DCLK2: variants seen among roughly 807,000 people sequenced by gnomAD.
The protein encoded by DCLK2 is doublecortin like kinase 2, also known as serine/threonine-protein kinase DCLK2.
Under a neutral mutation model 78.4 loss-of-function variants are expected in DCLK2, and 31 were observed. The ratio of observed to expected loss-of-function variants is 0.40; its 90% confidence interval spans 0.30 to 0.53. The LOEUF (loss-of-function observed/expected upper bound fraction) is 0.53, where lower values mean the gene tolerates loss of function less well. DCLK2 is among the 20% of genes least tolerant of loss of function. The pLI, the probability that DCLK2 is intolerant of heterozygous loss-of-function variation, is 0.61. For missense variants in DCLK2, 872 were observed against 973.7 expected, an observed-to-expected ratio of 0.90 and a Z score of 1.39; for synonymous variants, 407 against 374.9, an observed-to-expected ratio of 1.09 and a Z score of -0.99.
At chr4:150,208,901 G>A (rs977947863) in intron 5 of DCLK2, among the ~76,000 whole-genome samples, 3 of 152,158 alleles carry the variant, frequency 2.0e-5, no homozygotes, top group Non-Finnish European at 4.4e-5. Context: ...GTCAAGATGG[G>A]TATAGATTGG....
intron 8 of DCLK2, among the ~76,000 whole-genome samples, chr4:150,226,009 T>C (rs1174290075): frequency 6.6e-6 from 1 of 152,212 alleles, no homozygotes; most frequent in Non-Finnish European, 1.5e-5. Flanking sequence ...ACTGCTAACA[T>C]TATTAATATG....
chr4:150,115,056 G>A (rs558885338), intron 2 of DCLK2, among the ~76,000 whole-genome samples: 3 of 152,042 alleles, frequency 2.0e-5, no homozygotes, highest in Non-Finnish European at 2.9e-5. Flanking sequence ...ATATAATCCT[G>A]TATTTTCTGG....
chr4:150,079,567 T>C, intron 1 of DCLK2, 119 bp downstream of exon 1: 1 of 1,021,174 alleles, frequency 9.8e-7, no homozygotes, highest in Non-Finnish European at 1.4e-6. Context: ...AATTGATGCT[T>C]CTGTCTGCTT....
chr4:150,213,588 C>T (rs1334036069), intron 5 of DCLK2, among the ~76,000 whole-genome samples: 1 of 151,792 alleles, frequency 6.6e-6, no homozygotes, highest in Non-Finnish European at 1.5e-5. Flanking sequence ...TTTACAAGTA[C>T]TATCTAGTGT....
intron 2 of DCLK2, among the ~76,000 whole-genome samples, chr4:150,176,981 T>C (rs1447139628): frequency 6.6e-6 from 1 of 152,230 alleles, no homozygotes; most frequent in Non-Finnish European, 1.5e-5. Context: ...ATATCATGTC[T>C]CTGAATGCAA....
intron 15 of DCLK2, chr4:150,253,506 T>C: frequency 7.8e-7 from 1 of 1,289,542 alleles, no homozygotes; most frequent in Non-Finnish European, 1.0e-6. Flanking sequence ...CACCTCAGAG[T>C]TTCCTTCTTT....
chr4:150,097,453 G>A (rs190571771), intron 1 of DCLK2, among the ~76,000 whole-genome samples: 136 of 152,266 alleles, frequency 8.9e-4, no homozygotes, highest in South Asian at 7.0e-3. Context: ...ATGAGCTACC[G>A]TGCCTGGCTG....
intron 2 of DCLK2, among the ~76,000 whole-genome samples, chr4:150,128,907 G>T (rs142495092): frequency 1.3e-3 from 200 of 152,254 alleles, no homozygotes; most frequent in African/African-American, 4.7e-3. Flanking sequence ...AACTTTCCCT[G>T]TGCTTTTTGT....
chr4:150,173,782 T>C (rs1736728852), intron 2 of DCLK2, among the ~76,000 whole-genome samples: 1 of 152,088 alleles, frequency 6.6e-6, no homozygotes, highest in Non-Finnish European at 1.5e-5. Context: ...GGAGTGCTGC[T>C]CCTGGATGAG....
intron 15 of DCLK2, chr4:150,254,503 GA>G: frequency 2.5e-6 from 1 of 398,814 alleles, no homozygotes; most frequent in Non-Finnish European, 4.4e-6. Context: ...CTGACAGGAA[GA>G]GAAAAGGAGA....
chr4:150,251,880 C>G (rs1026402451), intron 15 of DCLK2, among the ~76,000 whole-genome samples: 5 of 151,480 alleles, frequency 3.3e-5, no homozygotes. Flanking sequence ...ATGTGGCCAC[C>G]CTCTGTGTGT....
In DCLK2 at chr4:150,156,610, A is replaced by G. The variant is rs192020174; in HGVS notation, c.757-36528A>G. On this transcript the variant is annotated intron_variant, in intron 2 of 15. Coordinates refer to ENST00000296550, the MANE Select transcript of DCLK2 (RefSeq NM_001040260.4). Reference sequence around the variant, plus strand: ...AGTTAAGCCCCGAGGTTGAGGCTGCAGTGAGCTATGATCATGCCATTGCAC... The same window carrying G: ...AGTTAAGCCCCGAGGTTGAGGCTGCGGTGAGCTATGATCATGCCATTGCAC... Among the ~76,000 whole-genome samples, 93 of 152,084 alleles carry G rather than the reference A, an allele frequency of 6.1e-4. No individual in the cohort carries two copies. The East Asian group carries it at 0.014, about 23-fold the overall frequency.
intron 8 of DCLK2, among the ~76,000 whole-genome samples, chr4:150,227,373 AATTAATACC>A (rs1398448461): frequency 6.6e-6 from 1 of 152,314 alleles, no homozygotes; most frequent in African/African-American, 2.4e-5. Flanking sequence ...GTGATGTATA[AATTAATACC>A]AGTTCTGCAA....
intron 14 of DCLK2, 30 bp downstream of exon 14, chr4:150,248,415 C>G (rs1233706609): frequency 4.4e-6 from 7 of 1,577,038 alleles, no homozygotes; most frequent in Non-Finnish European, 5.2e-6. Flanking sequence ...GGGAATGGGC[C>G]TCACTGTGCT....
At chr4:150,194,022 G>GACACACACACACACACAC (rs58179559) in intron 3 of DCLK2, among the ~76,000 whole-genome samples, 17 of 133,870 alleles carry the variant, frequency 1.3e-4, no homozygotes, top group South Asian at 8.9e-4. Context: ...AAAGTGCTGG[G>GACACACACACACACACAC]ACACACACAC....
intron 5 of DCLK2, among the ~76,000 whole-genome samples, chr4:150,218,692 G>A (rs1740937255): frequency 6.6e-6 from 1 of 152,188 alleles, no homozygotes; most frequent in African/African-American, 2.4e-5. Context: ...GCCTGACCCA[G>A]CTGCCTGTGG....
chr4:150,225,777 T>C (rs1741557006), intron 8 of DCLK2, among the ~76,000 whole-genome samples: 1 of 152,216 alleles, frequency 6.6e-6, no homozygotes. Flanking sequence ...ATATGGATCA[T>C]GGTGTATATT....
chr4:150,183,600 T>G (rs1054417811), intron 2 of DCLK2, among the ~76,000 whole-genome samples: 1 of 152,294 alleles, frequency 6.6e-6, no homozygotes, highest in African/African-American at 2.4e-5. Context: ...ACTAACATCA[T>G]AAATTTGGGA....
chr4:150,184,751 G>A (rs894420770), intron 2 of DCLK2, among the ~76,000 whole-genome samples: 8 of 151,806 alleles, frequency 5.3e-5, no homozygotes, highest in South Asian at 2.1e-4. Context: ...ACAGACACCC[G>A]CCACCATGCC....
Sources: gnomAD v4.1 joint callset for allele counts (sites outside exome capture counted in the v4.1 genomes callset) on GRCh38, gnomAD v4.1.1 for gene constraint, MANE v1.5 for transcripts, NCBI Gene and HGNC (gene_info 2026-07-23, HGNC 2026-07-21) for gene names.